Variants in CHD7 observed in about 807,000 individuals in gnomAD.
CHD7 encodes chromodomain helicase DNA binding protein 7.
In CHD7, 24 loss-of-function variants were observed where a neutral mutation model predicts 307.3. The observed-to-expected ratio is 0.08, with a 90% CI of 0.06 to 0.11. CHD7 has a LOEUF of 0.11. Among genes scored for constraint, CHD7 ranks in the 10% least tolerant of loss-of-function variants. The probability of loss-of-function intolerance (pLI) is 1.00; values close to 1 mark genes in which losing one functional copy is unlikely to be tolerated. For missense variants in CHD7, 3,106 were observed against 3,727.1 expected (o/e 0.83, Z 4.34); for synonymous variants, 1,363 against 1,349.9 (o/e 1.01, Z -0.21).
At position 60,742,825 on chromosome 8, in the gene CHD7, T is replaced by C; in HGVS notation, c.1393T>C (p.Ser465Pro). The change falls in exon 2 of 38, where the codon TCC becomes CCC. Residue 465 changes from serine (S) to proline (P), a missense_variant. Physicochemically the swap from Ser to Pro is moderately conservative, Grantham distance 74 (BLOSUM62 -1). This residue lies in a region of CHD7 where 998 missense variants were observed against 1,004.5 expected (regional missense o/e 0.99). Transcript: ENST00000423902. ...MQQSRPFIGM[S>P]SAPRELTGHM... ...GCAGTCTCGTCCATTTATAGGCATG[T>C]CCTCGGCACCAAGGGAATTGACTGG... The C allele has an allele frequency of 6.2e-7, 1 of 1,613,708 alleles. No individual in the cohort carries two copies. Among genetic ancestry groups the C allele is most frequent in the Non-Finnish European group, 8.5e-7 (1 of 1,179,712 alleles).
At position 60,862,521 on chromosome 8, in the gene CHD7, A is replaced by T. The variant is rs1332231362; in HGVS notation, c.7972-27A>T. On this transcript the variant is annotated intron_variant, in intron 36 of 37. Transcript: ENST00000423902. ...AAAGGGGAGGGAAGACTGTGTTTTT[A>T]ATCATTTGTCAAATGCCTCTACCCA... 10 of 1,544,740 alleles carry T rather than the reference A, an allele frequency of 6.5e-6. No homozygotes were observed. The Admixed American group carries it at 1.9e-4, about 30-fold the overall frequency.
At chr8:60,728,961 C>T (rs1808308506) in intron 1 of CHD7, among the ~76,000 whole-genome samples, 1 of 152,058 alleles carries the variant, frequency 6.6e-6, no homozygotes, top group South Asian at 2.1e-4. Context: ...TGTTCCTCTC[C>T]CTCCTCCCAC....
chr8:60,791,354 C>G (rs1811763183), intron 3 of CHD7, among the ~76,000 whole-genome samples: 2 of 152,214 alleles, frequency 1.3e-5, no homozygotes, highest in Non-Finnish European at 2.9e-5. Context: ...TCGGCTTGAG[C>G]TAGGCCCATG....
chr8:60,779,636 T>C (rs532142571), intron 2 of CHD7, among the ~76,000 whole-genome samples: 1 of 152,370 alleles, frequency 6.6e-6, no homozygotes, highest in East Asian at 1.9e-4. Context: ...ACAGTACCTG[T>C]ATTTTAATGT....
At chr8:60,820,456 A>G (rs935373633) in intron 9 of CHD7, among the ~76,000 whole-genome samples, 1 of 152,194 alleles carries the variant, frequency 6.6e-6, no homozygotes, top group African/African-American at 2.4e-5. Context: ...ATGGAGTTTA[A>G]GGTTATTTAG....
At chr8:60,857,307 T>C (rs3793443) in intron 34 of CHD7, among the ~76,000 whole-genome samples, 6,424 of 152,312 alleles carry the variant, frequency 0.042, 160 homozygotes, top group Non-Finnish European at 0.057. Flanking sequence ...TGACTGCAAA[T>C]TCTCCTGTCT....
intron 37 of CHD7, chr8:60,863,722 C>A (rs1348160072): frequency 3.3e-5 from 5 of 149,284 alleles, no homozygotes; most frequent in African/African-American, 9.8e-5. Context: ...TTCTCCCATA[C>A]AATATCTTTT....
At chr8:60,743,136 A>C (rs753120622) in intron 2 of CHD7, 39 bp downstream of exon 2, 1 of 1,534,784 alleles carries the variant, frequency 6.5e-7, no homozygotes. Flanking sequence ...TTGCAGTGTG[A>C]AATTCAACAT....
rs372031096 is a variant in CHD7 at position 60,680,274 on chromosome 8, G to C, written c.-175+1192G>C. On this transcript the variant is annotated intron_variant, in intron 1 of 37. Transcript: ENST00000423902. ...AGAGGAAAGGAGGGCGGTGGGGGACGCGTTGTTTGTTTGGTTCGCACCGGG... is the reference window on the plus strand; with the variant it reads ...AGAGGAAAGGAGGGCGGTGGGGGACCCGTTGTTTGTTTGGTTCGCACCGGG... Among the ~76,000 whole-genome samples, 3 of 150,636 alleles carry C rather than the reference G, an allele frequency of 2.0e-5. No individual in the cohort carries two copies. The East Asian group carries it at 5.9e-4, about 30-fold the overall frequency.
chr8:60,842,516 G>A (rs902670052), intron 21 of CHD7, among the ~76,000 whole-genome samples: 3 of 152,196 alleles, frequency 2.0e-5, no homozygotes, highest in African/African-American at 4.8e-5. Context: ...CTTTGTGAAA[G>A]TGTTGTATTT....
At chr8:60,679,438 T>TGGGGG (rs374179440) in intron 1 of CHD7, 21 of 76,692 alleles carry the variant, frequency 2.7e-4, no homozygotes, top group Non-Finnish European at 4.1e-4. Flanking sequence ...GCTGCCGGCG[T>TGGGGG]GGGGGGGGGG....
chr8:60,833,486 G>A (rs548608605), intron 15 of CHD7, among the ~76,000 whole-genome samples: 1 of 152,342 alleles, frequency 6.6e-6, no homozygotes, highest in South Asian at 2.1e-4. Context: ...ACGTGATGGA[G>A]TGAATTTCAG....
At chr8:60,836,784 T>C in intron 16 of CHD7, 33 bp from the exon 17 acceptor site, 2 of 1,553,190 alleles carry the variant, frequency 1.3e-6, no homozygotes, top group Non-Finnish European at 1.8e-6. Flanking sequence ...TCGCTATGCG[T>C]CAGGCCTCCT....
intron 2 of CHD7, among the ~76,000 whole-genome samples, chr8:60,775,913 A>C (rs1810928590): frequency 6.7e-6 from 1 of 149,204 alleles, no homozygotes; most frequent in Admixed American, 6.6e-5. Context: ...GCATACCACC[A>C]CGCCCGGCTA....
rs58405811 is a variant in CHD7, at chr8:60,816,113, G to GTCTGTCTCTCTC, written c.2499-271_2499-270insGTCTCTCTCTCT. Among the ~76,000 whole-genome samples the GTCTGTCTCTCTC allele has an allele frequency of 9.7e-3, 1,354 of 139,220 alleles. 29 individuals carry two copies. Among genetic ancestry groups the GTCTGTCTCTCTC allele is most frequent in the African/African-American group, 0.036 (1,264 of 34,910 alleles). 91.3% of individuals were successfully genotyped at this position (139,220 alleles called of 152,430 possible). ...GTCTCTTTTGTCTGTCTGTCTGTCTGTCTCTCTCTCTCTCTCTCTCTCTCT... is the reference window on the plus strand; with the variant it reads ...GTCTCTTTTGTCTGTCTGTCTGTCTGTCTGTCTCTCTCTCTCTCTCTCTCTCTCTCTCTCTCT... On this transcript the variant is annotated intron_variant, in intron 7 of 37. Transcript: ENST00000423902.
intron 3 of CHD7, among the ~76,000 whole-genome samples, chr8:60,789,182 C>G (rs1429230326): frequency 2.0e-5 from 3 of 152,190 alleles, no homozygotes; most frequent in Non-Finnish European, 4.4e-5. Context: ...AGTGTGGCAG[C>G]TCAGATCATT....
In CHD7 at chr8:60,861,306, C is replaced by G. The variant is rs1344534377; in HGVS notation, c.7830+181C>G. ...TTCATTACAGATACTAGCTTCAGGT[C>G]TGTCTTACTGAAGGCAGCCTTACAG... On this transcript the variant is annotated intron_variant, in intron 35 of 37. Coordinates refer to ENST00000423902, the MANE Select transcript of CHD7 (RefSeq NM_017780.4). 18 of 561,634 alleles carry G rather than the reference C, an allele frequency of 3.2e-5. No homozygotes were observed. In the South Asian group the frequency reaches 4.9e-4, roughly 15 times the overall value. The allele number at this position is 561,634 out of a possible 1,614,324, so 34.8% of individuals were successfully genotyped here.
At chr8:60,835,725 A>G (rs1395121563) in intron 15 of CHD7, among the ~76,000 whole-genome samples, 1 of 152,212 alleles carries the variant, frequency 6.6e-6, no homozygotes, top group Non-Finnish European at 1.5e-5. Flanking sequence ...TTAGCAATTT[A>G]GGTTCCAAAT....
chr8:60,850,542 G>A lies in CHD7; in HGVS notation c.5454G>A (p.Leu1818=), dbSNP rs775492728. Reference sequence around the variant, plus strand: ...GAGCTGACCCCGCGCTGTGCTTTCTGGAACGAGTCGGTATGCCTGATGCCA... The same window carrying A: ...GAGCTGACCCCGCGCTGTGCTTTCTAGAACGAGTCGGTATGCCTGATGCCA... The part of the protein sequence containing the change: ...SMRADPALCF[L]ERVGMPDAKA... The change falls in exon 26 of 38, where the codon CTG becomes CTA. Residue 1818 remains leucine (L), a synonymous_variant. Coordinates refer to ENST00000423902, the MANE Select transcript of CHD7 (RefSeq NM_017780.4). 2 of 1,613,348 alleles carry A rather than the reference G, an allele frequency of 1.2e-6. No individual in the cohort carries two copies. Among genetic ancestry groups the A allele is most frequent in the African/African-American group, 1.3e-5 (1 of 74,938 alleles).
Sources: gnomAD v4.1 joint callset for allele counts (sites outside exome capture counted in the v4.1 genomes callset) on GRCh38, gnomAD v4.1.1 for gene constraint, gnomAD v4.1.1 regional missense constraint, MANE v1.5 for transcripts, NCBI Gene and HGNC (gene_info 2026-07-23, HGNC 2026-07-21) for gene names.